Variants in KNCN observed in about 807,000 individuals in gnomAD.
The protein encoded by KNCN is kinocilin.
Under a neutral mutation model 10.4 loss-of-function variants are expected in KNCN, and 11 were observed. The observed-to-expected ratio is 1.06, with a 90% CI of 0.67 to 1.75. The LOEUF (loss-of-function observed/expected upper bound fraction) is 1.75. KNCN is among the 40% of genes most tolerant of loss of function. The pLI is 0.00. For synonymous variants in KNCN, 67 were observed against 71.6 expected (o/e 0.94, Z 0.33); for missense variants, 172 against 167.1 (o/e 1.03, Z -0.16).
In KNCN at chr1:46,546,028, AACGAAGTCTCTAC is replaced by A. The variant is rs1193851962; in HGVS notation, c.*1689_*1701del. On this transcript the variant is annotated 3_prime_UTR_variant, in exon 4 of 4. Transcript: ENST00000481882. ...GAAGTTGCTTCTCTCAGCTGAAGGAAACGAAGTCTCTACACCTAGCCAGCATTTGTGGAAGGCA... is the reference window on the plus strand; with the variant it reads ...GAAGTTGCTTCTCTCAGCTGAAGGAAACCTAGCCAGCATTTGTGGAAGGCA... 6 of 152,220 alleles carry A rather than the reference AACGAAGTCTCTAC, an allele frequency of 3.9e-5. No homozygotes were observed. Among genetic ancestry groups the A allele is most frequent in the African/African-American group, 1.4e-4 (6 of 41,428 alleles). 9.4% of individuals were successfully genotyped at this position (152,220 alleles called of 1,614,324 possible). A position where few individuals can be genotyped will look rare whatever the true frequency, so the allele number is the denominator to read the frequency against.
intron 1 of KNCN, 150 bp downstream of exon 1, chr1:46,550,915 C>G (rs901851514): frequency 2.7e-5 from 19 of 706,724 alleles, no homozygotes; most frequent in Middle Eastern, 7.3e-4. Context: ...GCCTGTGCCC[C>G]TGATGGCGGC....
At chr1:46,549,318 A>G in intron 2 of KNCN, 51 bp from the exon 3 acceptor site, 1 of 1,414,494 alleles carries the variant, frequency 7.1e-7, no homozygotes, top group Non-Finnish European at 9.8e-7. Flanking sequence ...CATTCCCCAA[A>G]TCAAGCCTAG....
chr1:46,548,799 C>T (rs967679081), intron 3 of KNCN, among the ~76,000 whole-genome samples: 1 of 152,202 alleles, frequency 6.6e-6, no homozygotes, highest in Non-Finnish European at 1.5e-5. Context: ...GCATGCCGCT[C>T]AAGGCTCCCG....
chr1:46,548,723 G>A (rs932405109), intron 3 of KNCN, among the ~76,000 whole-genome samples: 2 of 152,166 alleles, frequency 1.3e-5, no homozygotes, highest in Non-Finnish European at 2.9e-5. Flanking sequence ...GAGCAGCAAG[G>A]GTCTGACTGT....
chr1:46,549,567 A>G (rs1667024203), intron 2 of KNCN: 3 of 520,070 alleles, frequency 5.8e-6, no homozygotes, highest in Admixed American at 3.2e-5. Context: ...AGCTGAGATG[A>G]GGTGGGAGCT....
chr1:46,550,477 T>A (rs748772140), intron 1 of KNCN, among the ~76,000 whole-genome samples: 1 of 147,400 alleles, frequency 6.8e-6, no homozygotes, highest in African/African-American at 2.5e-5. Context: ...CAGGTGTAGA[T>A]ACCTAAAGCC....
In KNCN at chr1:46,545,743, T is replaced by C. The variant is rs946975373; in HGVS notation, c.*1987A>G. The C allele has an allele frequency of 2.0e-5, 3 of 152,140 alleles. No individual in the cohort carries two copies. Among genetic ancestry groups the C allele is most frequent in the Non-Finnish European group, 4.4e-5 (3 of 68,092 alleles). 9.4% of individuals were successfully genotyped at this position (152,140 alleles called of 1,614,324 possible). On this transcript the variant is annotated 3_prime_UTR_variant, in exon 4 of 4. Transcript: ENST00000481882. The stretch of plus-strand genomic sequence containing the variant: ...CCATAGCCCCACCCTGGGGAGAGCA[T>C]GGCTGAGAGGGGTTGATGGGCAGGG...
rs771474867 is a variant in KNCN at position 46,549,219 on chromosome 1, C to T, written c.269G>A (p.Arg90Lys). The T allele has an allele frequency of 6.2e-7, 1 of 1,613,408 alleles. No homozygotes were observed. The highest frequency in any genetic ancestry group is 1.1e-5 in the South Asian group (1 of 90,986). ...TTCCTTGTTGCCATTGGTGCTGGAT[C>T]TTCCTTCCCCGTGGTCTGCCCCTGG... ...PHPGADHGEGRSSTNGNKEGA... is the reference protein window; with the variant it reads ...PHPGADHGEGKSSTNGNKEGA... The change falls in exon 3 of 4, where the codon AGA (arginine) becomes AAA (lysine). Residue 90 changes from arginine to lysine, a missense_variant. Coordinates refer to ENST00000481882, the MANE Select transcript of KNCN (RefSeq NM_001322255.2).
rs1475546882 is a variant in KNCN at position 46,547,818 on chromosome 1, G to C, written c.296-9C>G. On this transcript the variant is annotated splice_polypyrimidine_tract_variant and intron_variant, in intron 3 of 3. Coordinates refer to ENST00000481882, the MANE Select transcript of KNCN (RefSeq NM_001322255.2). ...CAGGCTGCTGCGGGCTCCTGGGGGA[G>C]AGAACAGGGACGAGGACTGCCTCCG... is the stretch of plus-strand genomic sequence containing the variant. 3 of 1,452,802 alleles carry C rather than the reference G, an allele frequency of 2.1e-6. No homozygotes were observed. In the African/African-American group the frequency reaches 4.3e-5, roughly 21 times the overall value. 90.0% of individuals were successfully genotyped at this position (1,452,802 alleles called of 1,614,324 possible).
At chr1:46,550,280 G>C (rs1241328385) in intron 1 of KNCN, among the ~76,000 whole-genome samples, 1 of 152,112 alleles carries the variant, frequency 6.6e-6, no homozygotes, top group Non-Finnish European at 1.5e-5. Flanking sequence ...TTGCTGGAAT[G>C]AGCCTGGCTG....
chr1:46,551,366 G>T lies in KNCN; in HGVS notation c.-151C>A. On this transcript the variant is annotated 5_prime_UTR_variant, in exon 1 of 4. Coordinates refer to ENST00000481882, the MANE Select transcript of KNCN (RefSeq NM_001322255.2). The surrounding 1 kb of genome is among the most constrained non-coding windows in gnomAD (Gnocchi z 4.0). ...TAAGATGATAGGTGGGGAACCCTGGGATTTATCTGCAGTCCTATTCCACTG... is the reference window on the plus strand; with the variant it reads ...TAAGATGATAGGTGGGGAACCCTGGTATTTATCTGCAGTCCTATTCCACTG... 1 of 783,614 alleles carries T rather than the reference G, an allele frequency of 1.3e-6. No homozygotes were observed. Among genetic ancestry groups the T allele is most frequent in the Non-Finnish European group, 1.9e-6 (1 of 513,526 alleles). The allele number at this position is 783,614 out of a possible 1,614,324, so 48.5% of individuals were successfully genotyped here. A position where few individuals can be genotyped will look rare whatever the true frequency, so the allele number is the denominator to read the frequency against.
At chr1:46,549,345 C>G in intron 2 of KNCN, 78 bp from the exon 3 acceptor site, 1 of 1,052,750 alleles carries the variant, frequency 9.5e-7, no homozygotes, top group Non-Finnish European at 1.4e-6. Flanking sequence ...AAGGGAAGTC[C>G]TTCTTGCTAT....
intron 2 of KNCN, 110 bp downstream of exon 2, chr1:46,549,824 G>A: frequency 6.5e-7 from 1 of 1,535,132 alleles, no homozygotes; most frequent in African/African-American, 1.4e-5. Context: ...AGCTAGCGCG[G>A]TCTCACACAT....
Position 46,549,949 on chromosome 1 carries a change from T to A in KNCN, c.205A>T (p.Ile69Phe). Residue 69 changes from isoleucine (I) to phenylalanine (F), a missense_variant, in exon 2 of 4, where the codon ATC (isoleucine) becomes TTC (phenylalanine). By Grantham distance (21) the Ile-to-Phe change is conservative. Coordinates refer to ENST00000481882, the MANE Select transcript of KNCN (RefSeq NM_001322255.2). ...FLKARFNLDH[I>F]LPTIGSLRIH... ...GAGGCCTCACCTATGGTAGGCAGGA[T>A]GTGGTCCAGGTTGAACCGAGCCTTC... The A allele has an allele frequency of 6.4e-7, 1 of 1,550,478 alleles. No homozygotes were observed. Among genetic ancestry groups the A allele is most frequent in the Non-Finnish European group, 8.7e-7 (1 of 1,146,954 alleles).
In KNCN at chr1:46,549,964, AC is replaced by A. The variant is rs1667031867; in HGVS notation, c.189del (p.Phe64SerfsTer10). 1.3e-6 allele frequency: 2 copies of A among 1,550,608 alleles called. No individual in the cohort carries two copies. Among genetic ancestry groups the A allele is most frequent in the Non-Finnish European group, 1.7e-6 (2 of 1,146,972 alleles). ...LILAYPFLKARFNLDHILPTI... is the reference protein window; with the variant it reads ...LILAYPFLKAXFNLDHILPTI... ...GTAGGCAGGATGTGGTCCAGGTTGA[AC>A]CGAGCCTTCAGGAAGGGGTAGGCCA... On this transcript the variant is annotated frameshift_variant, in exon 2 of 4. Coordinates refer to ENST00000481882, the MANE Select transcript of KNCN (RefSeq NM_001322255.2). LOFTEE classifies it high-confidence loss of function.
Position 46,547,680 on chromosome 1 carries a change from C to A in KNCN, c.*50G>T. 1.4e-6 allele frequency: 2 copies of A among 1,394,818 alleles called. No homozygotes were observed. The highest frequency in any genetic ancestry group is 2.0e-6 in the Non-Finnish European group (2 of 1,006,994). The allele number at this position is 1,394,818 out of a possible 1,614,324, so 86.4% of individuals were successfully genotyped here. A position where few individuals can be genotyped will look rare whatever the true frequency, so the allele number is the denominator to read the frequency against. On this transcript the variant is annotated 3_prime_UTR_variant, in exon 4 of 4. Coordinates refer to ENST00000481882, the MANE Select transcript of KNCN (RefSeq NM_001322255.2). ...ACCCAGGAGGGCACTGACATAGGGG[C>A]AGCAGGCAGGATGGGAGGGCAGGGC...
In KNCN at chr1:46,547,506, C is replaced by T. The variant is rs150542972; in HGVS notation, c.*224G>A. ...ATGGGAACCCTGTGGGGGCGTCCGG[C>T]GACACCTTGCTCCAGGTCCCAGCCC... On this transcript the variant is annotated 3_prime_UTR_variant, in exon 4 of 4. Transcript: ENST00000481882. The T allele has an allele frequency of 1.2e-3, 838 of 699,148 alleles. 9 individuals are homozygous for T. Among genetic ancestry groups the T allele is most frequent in the African/African-American group, 0.012 (683 of 57,226 alleles). The allele number at this position is 699,148 out of a possible 1,614,324, so 43.3% of individuals were successfully genotyped here. A position where few individuals can be genotyped will look rare whatever the true frequency, so the allele number is the denominator to read the frequency against.
rs975304887 is a variant in KNCN, at chr1:46,549,684, T to C, written c.220+250A>G. The C allele has an allele frequency of 2.1e-5, 13 of 607,888 alleles. No individual in the cohort carries two copies. The African/African-American group carries it at 2.4e-4, about 11-fold the overall frequency. 37.7% of individuals were successfully genotyped at this position (607,888 alleles called of 1,614,324 possible). ...TTGGAGGCTTTGGGGAGTCATAAAA[T>C]CTCTCAAGGGAGATGAACTTCCCAG... On this transcript the variant is annotated intron_variant, in intron 2 of 3. Coordinates refer to ENST00000481882, the MANE Select transcript of KNCN (RefSeq NM_001322255.2).
chr1:46,549,817 T>C, intron 2 of KNCN, 117 bp downstream of exon 2: 1 of 1,458,580 alleles, frequency 6.9e-7, no homozygotes, highest in Non-Finnish European at 9.1e-7. Context: ...CACAGACAGC[T>C]AGCGCGGTCT....
Sources: allele counts gnomAD v4.1 joint callset (sites outside exome capture counted in the v4.1 genomes callset), GRCh38; gene constraint gnomAD v4.1.1; non-coding constraint Gnocchi (gnomAD v3.1); transcripts MANE v1.5; gene names NCBI Gene and HGNC (gene_info 2026-07-23, HGNC 2026-07-21).